UST: variants seen among roughly 807,000 people sequenced by gnomAD.
UST encodes chondroitin sulfate 2-O-sulfotransferase.
In UST, 21 loss-of-function variants were observed where a neutral mutation model predicts 45.6. That is an observed-to-expected ratio of 0.46 (90% confidence interval 0.33 to 0.66). The LOEUF (loss-of-function observed/expected upper bound fraction) is 0.66, where lower values mean the gene tolerates loss of function less well. Among genes scored for constraint, UST ranks in the 30% least tolerant of loss-of-function variants. The pLI is 0.02. For missense variants in UST, 463 were observed against 512.4 expected (o/e 0.90, Z 0.93); for synonymous variants, 215 against 200.6 (o/e 1.07, Z -0.61).
intron 3 of UST, among the ~76,000 whole-genome samples, chr6:148,946,510 CAAA>C (rs71007930): frequency 1.5e-4 from 5 of 33,938 alleles, no homozygotes; most frequent in Non-Finnish European, 2.1e-4. Context: ...GACTCCATCT[CAAA>C]AAAAAAAAAA....
At chr6:148,774,665 A>G (rs1359982927) in intron 1 of UST, among the ~76,000 whole-genome samples, 3 of 152,194 alleles carry the variant, frequency 2.0e-5, no homozygotes, top group Non-Finnish European at 4.4e-5. Flanking sequence ...AAGCTGAAAA[A>G]TTTGTTACTC....
At chr6:148,872,307 A>G (rs994679872) in intron 1 of UST, among the ~76,000 whole-genome samples, 2 of 152,234 alleles carry the variant, frequency 1.3e-5, no homozygotes, top group Admixed American at 6.5e-5. Context: ...TGGTGTCTAT[A>G]TGAGGCTTGA....
chr6:148,748,399 T>TTGTGTGTGTGTGTGTG lies in UST; in HGVS notation c.247+761_247+776dup, dbSNP rs34342100. Reference sequence around the variant, plus strand: ...GTGCGTCTCAAGCTCAAGTCAAAACTTGTGTGTGTGTGTGTGTGTGTGTGT... The same window carrying TTGTGTGTGTGTGTGTG: ...GTGCGTCTCAAGCTCAAGTCAAAACTTGTGTGTGTGTGTGTGTGTGTGTGTGTGTGTGTGTGTGTGT... On this transcript the variant is annotated intron_variant, in intron 1 of 7. Transcript: ENST00000367463. This position sits in a 1 kb window ranked among gnomAD's most constrained non-coding sequence, Gnocchi z 5.3. 1.3e-4 allele frequency among the ~76,000 whole-genome samples: 17 copies of TTGTGTGTGTGTGTGTG among 127,614 alleles called. No homozygotes were observed. The highest frequency in any genetic ancestry group is 4.3e-4 in the African/African-American group (14 of 32,588). 83.7% of individuals were successfully genotyped at this position (127,614 alleles called of 152,430 possible).
intron 1 of UST, among the ~76,000 whole-genome samples, chr6:148,880,419 A>T (rs111793266): frequency 4.6e-5 from 7 of 152,346 alleles, no homozygotes; most frequent in African/African-American, 1.7e-4. Context: ...CTAGAATCAG[A>T]CTTCACATGA....
In UST at chr6:149,021,184, A is replaced by G. The variant is rs954267827; in HGVS notation, c.780-140A>G. On this transcript the variant is annotated intron_variant, in intron 6 of 7. Transcript: ENST00000367463. Reference sequence around the variant, plus strand: ...GACTGGGAAGGCCCTGGATGGGGCTACATCTGGGCTGGTCCTTGAGGGAAA... The same window carrying G: ...GACTGGGAAGGCCCTGGATGGGGCTGCATCTGGGCTGGTCCTTGAGGGAAA... 12 of 867,928 alleles carry G rather than the reference A, an allele frequency of 1.4e-5. No individual in the cohort carries two copies. In the Admixed American group the frequency reaches 2.7e-4, roughly 20 times the overall value. 53.8% of individuals were successfully genotyped at this position (867,928 alleles called of 1,614,324 possible). A position where few individuals can be genotyped will look rare whatever the true frequency, so the allele number is the denominator to read the frequency against.
chr6:148,894,741 T>C (rs1452592042), intron 2 of UST, among the ~76,000 whole-genome samples: 1 of 152,138 alleles, frequency 6.6e-6, no homozygotes, highest in Non-Finnish European at 1.5e-5. Flanking sequence ...GTATTATGCC[T>C]TTTAGGCATT....
At chr6:148,938,221 C>A (rs1476283531) in intron 2 of UST, among the ~76,000 whole-genome samples, 5 of 152,166 alleles carry the variant, frequency 3.3e-5, no homozygotes, top group Non-Finnish European at 5.9e-5. Flanking sequence ...ACATTAAATT[C>A]CTCAGAGCAG....
At chr6:148,916,627 G>A (rs572147027) in intron 2 of UST, among the ~76,000 whole-genome samples, 16 of 151,760 alleles carry the variant, frequency 1.1e-4, no homozygotes, top group African/African-American at 2.9e-4. Context: ...CCTTTCTGCC[G>A]CTCCTTCATG....
chr6:148,914,906 A>T (rs1779554872), intron 2 of UST, among the ~76,000 whole-genome samples: 1 of 152,206 alleles, frequency 6.6e-6, no homozygotes, highest in African/African-American at 2.4e-5. Context: ...TGGGTAGCTT[A>T]TAAACTACAG....
rs573395949 is a variant in UST at position 148,923,677 on chromosome 6, C to T, written c.292-17602C>T. On this transcript the variant is annotated intron_variant, in intron 2 of 7. Transcript: ENST00000367463. ...ATCCCAGCACTTTGGGAGGCCGAGG[C>T]GGGTGGATCACAAGGTCAGGAGATC... 1.1e-4 allele frequency among the ~76,000 whole-genome samples: 16 copies of T among 152,176 alleles called. No individual in the cohort carries two copies. The East Asian group carries it at 2.9e-3, about 28-fold the overall frequency.
intron 1 of UST, among the ~76,000 whole-genome samples, chr6:148,831,198 G>A (rs1159265129): frequency 1.3e-5 from 2 of 152,026 alleles, no homozygotes; most frequent in South Asian, 2.1e-4. Context: ...GACCAGCGCC[G>A]ACTGTTTCGC....
chr6:148,993,956 C>CTTTTTTTTTTTTTT lies in UST; in HGVS notation c.682-25168_682-25155dup, dbSNP rs57552256. Among the ~76,000 whole-genome samples, 9 of 95,366 alleles carry CTTTTTTTTTTTTTT rather than the reference C, an allele frequency of 9.4e-5. 3 individuals carry two copies. The highest frequency in any genetic ancestry group is 1.8e-4 in the African/African-American group (4 of 21,836). 62.6% of individuals were successfully genotyped at this position (95,366 alleles called of 152,430 possible). A position where few individuals can be genotyped will look rare whatever the true frequency, so the allele number is the denominator to read the frequency against. On this transcript the variant is annotated intron_variant, in intron 5 of 7. Coordinates refer to ENST00000367463, the MANE Select transcript of UST (RefSeq NM_005715.3). The stretch of plus-strand genomic sequence containing the variant: ...TTACCCAGTCTTGAATATTTCTTTC[C>CTTTTTTTTTTTTTT]TTTTTTTTTTTTTTTTTTTTTTTTT...
At chr6:148,858,934 T>C (rs1339497047) in intron 1 of UST, among the ~76,000 whole-genome samples, 3 of 152,184 alleles carry the variant, frequency 2.0e-5, no homozygotes, top group Non-Finnish European at 4.4e-5. Flanking sequence ...GTCTTTGCTG[T>C]TGTGAATAGT....
intron 1 of UST, among the ~76,000 whole-genome samples, chr6:148,799,976 G>T (rs191075067): frequency 6.6e-6 from 1 of 152,260 alleles, no homozygotes; most frequent in African/African-American, 2.4e-5. Flanking sequence ...TATTAAATTT[G>T]TCAGGTACCA....
At chr6:149,021,516 G>A (rs894976727) in intron 7 of UST, 35 bp downstream of exon 7, 1 of 1,612,174 alleles carries the variant, frequency 6.2e-7, no homozygotes, top group Non-Finnish European at 8.5e-7. Context: ...TTCTCCATGA[G>A]AGGTCTGTGT....
chr6:149,010,895 C>CAAAAAAAAA (rs1172538648), intron 5 of UST, among the ~76,000 whole-genome samples: 5 of 65,608 alleles, frequency 7.6e-5, no homozygotes, highest in African/African-American at 3.3e-4. Context: ...CCGTCTCAAC[C>CAAAAAAAAA]AAAAAAAAAA....
At chr6:148,848,465 G>T (rs1028901492) in intron 1 of UST, among the ~76,000 whole-genome samples, 25 of 152,192 alleles carry the variant, frequency 1.6e-4, no homozygotes, top group Non-Finnish European at 1.5e-5. Context: ...GAGGTCGAGA[G>T]ATCGAGTCCA....
In UST at chr6:148,875,581, T is replaced by G. The variant is rs554711967; in HGVS notation, c.248-11405T>G. 7.2e-5 allele frequency among the ~76,000 whole-genome samples: 11 copies of G among 152,328 alleles called. 1 individual carries two copies. In the South Asian group the frequency reaches 2.1e-3, roughly 29 times the overall value. On this transcript the variant is annotated intron_variant, in intron 1 of 7. Coordinates refer to ENST00000367463, the MANE Select transcript of UST (RefSeq NM_005715.3). ...ATTTTGGGAGACTGAAGTGGGCGGA[T>G]CACCTGAGGTCAGGGAGTTCAAGAC...
intron 3 of UST, 31 bp from the exon 4 acceptor site, chr6:148,953,841 T>C: frequency 7.3e-7 from 1 of 1,379,124 alleles, no homozygotes; most frequent in South Asian, 1.3e-5. Flanking sequence ...AATTAGATCC[T>C]ATATATGCTA....
Sources: allele counts gnomAD v4.1 joint callset (sites outside exome capture counted in the v4.1 genomes callset), GRCh38; gene constraint gnomAD v4.1.1; non-coding constraint Gnocchi (gnomAD v3.1); transcripts MANE v1.5; gene names NCBI Gene and HGNC (gene_info 2026-07-23, HGNC 2026-07-21).